Variants in ASNS observed in about 807,000 individuals in gnomAD.
ASNS encodes asparagine synthetase [glutamine-hydrolyzing].
ASNS carries 37 observed loss-of-function variants against 62.6 expected under a neutral mutation model. The observed-to-expected ratio is 0.59, with a 90% confidence interval of 0.45 to 0.78. The LOEUF (loss-of-function observed/expected upper bound fraction) is 0.78. Ranked by LOEUF, ASNS falls within the 30% of genes least tolerant of loss-of-function variation. The probability of loss-of-function intolerance (pLI) is 0.00; values close to 1 mark genes in which losing one functional copy is unlikely to be tolerated. For synonymous variants in ASNS, 207 were observed against 237.9 expected (o/e 0.87, Z 1.19); for missense variants, 520 against 682.4 (o/e 0.76, Z 2.65).
chr7:97,905,797 T>C, the ASNS span, among the ~76,000 whole-genome samples: 15 of 152,344 alleles, frequency 9.8e-5, no homozygotes, highest in African/African-American at 4.8e-5. Flanking sequence ...GTCATTTCAC[T>C]CATAAATATT....
At chr7:97,925,721 G>A in the ASNS span, among the ~76,000 whole-genome samples, 1 of 152,162 alleles carries the variant, frequency 6.6e-6, no homozygotes, top group Non-Finnish European at 1.5e-5. Context: ...CTTTTACCTG[G>A]TGCGTTAATC....
the ASNS span, among the ~76,000 whole-genome samples, chr7:97,884,664 C>G: frequency 6.6e-6 from 1 of 152,110 alleles, no homozygotes; most frequent in Non-Finnish European, 1.5e-5. Flanking sequence ...CTCATCCCAC[C>G]CCCTAGGCCT....
At chr7:97,904,311 CACACACAG>C in the ASNS span, among the ~76,000 whole-genome samples, 2 of 145,624 alleles carry the variant, frequency 1.4e-5, no homozygotes, top group African/African-American at 5.1e-5. Flanking sequence ...CACACACACA[CACACACAG>C]AGAGAGAGAA....
chr7:97,885,013 C>T, the ASNS span, among the ~76,000 whole-genome samples: 17 of 152,178 alleles, frequency 1.1e-4, no homozygotes, highest in Non-Finnish European at 2.4e-4. Flanking sequence ...ATTCTCCTGC[C>T]TCCCGAGTAG....
chr7:97,855,260 A>T, intron 9 of ASNS, 93 bp downstream of exon 9: 1 of 895,686 alleles, frequency 1.1e-6, no homozygotes, highest in Non-Finnish European at 1.7e-6. Flanking sequence ...ACTCAAAAAT[A>T]TCACTGTCAT....
the ASNS span, among the ~76,000 whole-genome samples, chr7:97,879,180 A>C: frequency 6.6e-6 from 1 of 152,184 alleles, no homozygotes. Flanking sequence ...TTAGACCTAA[A>C]ACCATAAAAA....
In ASNS at chr7:97,870,034, C is replaced by A. The variant is rs1584478428; in HGVS notation, c.-59-221G>T. On this transcript the variant is annotated intron_variant, in intron 1 of 12. Transcript: ENST00000394308. The stretch of plus-strand genomic sequence containing the variant: ...ACAACATCCCTAATAAAAAACTTAG[C>A]TCATCCCTATAAGCCCGGAAGCAAA... 1.6e-5 allele frequency: 4 copies of A among 245,280 alleles called. No individual in the cohort carries two copies. In the East Asian group the frequency reaches 2.9e-4, roughly 18 times the overall value. 15.2% of individuals were successfully genotyped at this position (245,280 alleles called of 1,614,324 possible).
At chr7:97,908,400 T>C in the ASNS span, 2 of 152,182 alleles carry the variant, frequency 1.3e-5, no homozygotes, top group Admixed American at 6.5e-5. Flanking sequence ...ATATTAATAG[T>C]TGGACTCAGA....
chr7:97,854,738 T>C (rs749548970), intron 9 of ASNS, 58 bp from the exon 10 acceptor site: 4 of 1,610,022 alleles, frequency 2.5e-6, no homozygotes, highest in Non-Finnish European at 2.5e-6. Context: ...GCAGTTTTTC[T>C]TTCTCCCTCT....
chr7:97,921,213 T>C, the ASNS span, among the ~76,000 whole-genome samples: 1 of 152,212 alleles, frequency 6.6e-6, no homozygotes, highest in Non-Finnish European at 1.5e-5. Flanking sequence ...ATTTCAGGGG[T>C]GGCTGGACTC....
the ASNS span, among the ~76,000 whole-genome samples, chr7:97,878,859 A>G: frequency 6.6e-6 from 1 of 152,224 alleles, no homozygotes; most frequent in Non-Finnish European, 1.5e-5. Context: ...CCAAAAGAAC[A>G]AAGCTGGAGG....
At chr7:97,867,335 T>TATA (rs1792028886) in intron 3 of ASNS, among the ~76,000 whole-genome samples, 1 of 130,800 alleles carries the variant, frequency 7.6e-6, no homozygotes, top group South Asian at 2.3e-4. Context: ...ATACTTTATA[T>TATA]AAGCCTAAAG....
At chr7:97,871,001 A>G (rs912230289) in intron 1 of ASNS, among the ~76,000 whole-genome samples, 2 of 152,226 alleles carry the variant, frequency 1.3e-5, no homozygotes, top group Non-Finnish European at 2.9e-5. Context: ...CCTGTTCTCA[A>G]TATTTTTCTT....
chr7:97,872,070 C>A (rs762646460), intron 1 of ASNS: 8 of 152,310 alleles, frequency 5.3e-5, no homozygotes, highest in African/African-American at 1.9e-4. Flanking sequence ...GCCTCCTCTC[C>A]GGAGCGGTCC....
At chr7:97,853,749 G>A (rs933286958) in intron 10 of ASNS, among the ~76,000 whole-genome samples, 1 of 152,166 alleles carries the variant, frequency 6.6e-6, no homozygotes, top group Non-Finnish European at 1.5e-5. Flanking sequence ...TTTACTAGGT[G>A]AGACCATCTC....
At chr7:97,872,174 T>A (rs942958758) in intron 1 of ASNS, 177 bp downstream of exon 1, 2 of 152,312 alleles carry the variant, frequency 1.3e-5, no homozygotes, top group Non-Finnish European at 2.9e-5. Flanking sequence ...TCGCTAGGCG[T>A]CCGCCCCGCC....
the ASNS span, among the ~76,000 whole-genome samples, chr7:97,918,696 C>T: frequency 2.6e-5 from 4 of 152,150 alleles, no homozygotes; most frequent in Non-Finnish European, 2.9e-5. Context: ...CCAAACTCTG[C>T]GGGTTCTCAC....
chr7:97,885,925 C>G, the ASNS span: 1 of 575,386 alleles, frequency 1.7e-6, no homozygotes, highest in Non-Finnish European at 3.3e-6. Context: ...GGGCTCTCCT[C>G]CTCCTGGGAT....
In ASNS at chr7:97,856,774, T is replaced by A. The variant is rs1031397723; in HGVS notation, c.946A>T (p.Asn316Tyr). ...IGSEHYEVLF[N>Y]SEEGIQALDE... ...AGAGCCTGAATGCCTTCCTCAGAGT[T>A]AAAAAGGACTTCATAATGTTCACTT... The change falls in exon 8 of 13, where the codon AAC (asparagine) becomes TAC (tyrosine). Residue 316 changes from asparagine to tyrosine, a missense_variant. Transcript: ENST00000394308. The A allele has an allele frequency of 6.2e-7, 1 of 1,612,522 alleles. No individual in the cohort carries two copies. Among genetic ancestry groups the A allele is most frequent in the African/African-American group, 1.3e-5 (1 of 74,854 alleles).
Sources: allele counts gnomAD v4.1 joint callset (sites outside exome capture counted in the v4.1 genomes callset), GRCh38; gene constraint gnomAD v4.1.1; transcripts MANE v1.5; gene names NCBI Gene and HGNC (gene_info 2026-07-23, HGNC 2026-07-21).